Variants in SLC6A11 observed in about 807,000 individuals in gnomAD.
SLC6A11 encodes solute carrier family 6 member 11.
SLC6A11 carries 25 observed loss-of-function variants against 74.8 expected under a neutral mutation model. That is an observed-to-expected ratio of 0.33 (90% CI 0.24 to 0.47). SLC6A11 has a LOEUF of 0.47. Among genes scored for constraint, SLC6A11 ranks in the 20% least tolerant of loss-of-function variants. The pLI, the probability that SLC6A11 is intolerant of heterozygous loss-of-function variation, is 1.00. For missense variants in SLC6A11, 574 were observed against 837.0 expected (o/e 0.69, Z 3.88); for synonymous variants, 330 against 330.2 (o/e 1.00, Z 0.01).
intron 6 of SLC6A11, among the ~76,000 whole-genome samples, chr3:10,890,853 T>A (rs1388429654): frequency 6.6e-6 from 1 of 152,182 alleles, no homozygotes; most frequent in East Asian, 1.9e-4. Context: ...TTCACTTGAG[T>A]GGTAGTTTAG....
rs1332820642 is a variant in SLC6A11, at chr3:10,816,814, G to T, written c.256+293G>T. ...CGAGGCCAGGGAGCCCTTGCTTTGG[G>T]TAGGCGCCCTGGTGTTTCGGGCACT... On this transcript the variant is annotated intron_variant, in intron 1 of 13. Transcript: ENST00000254488. This position sits in a 1 kb window ranked among gnomAD's most constrained non-coding sequence, Gnocchi z 4.2. 6.6e-6 allele frequency among the ~76,000 whole-genome samples: 1 copy of T among 152,270 alleles called. No individual in the cohort carries two copies. The highest frequency in any genetic ancestry group is 1.5e-5 in the Non-Finnish European group (1 of 68,052).
intron 10 of SLC6A11, among the ~76,000 whole-genome samples, chr3:10,931,223 A>T (rs1695681344): frequency 6.6e-6 from 1 of 152,120 alleles, no homozygotes; most frequent in African/African-American, 2.4e-5. Flanking sequence ...CAGTTTCCCC[A>T]TGTGAACAGT....
intron 6 of SLC6A11, among the ~76,000 whole-genome samples, chr3:10,905,894 A>G (rs1695296203): frequency 6.6e-6 from 1 of 152,220 alleles, no homozygotes; most frequent in Non-Finnish European, 1.5e-5. Context: ...TGTGAAAAAT[A>G]GAAGAGGCCA....
Position 10,934,092 on chromosome 3 carries a change from G to A in SLC6A11, c.1501G>A (p.Glu501Lys), listed in dbSNP as rs201024413. The A allele has an allele frequency of 8.7e-6, 14 of 1,613,720 alleles. No homozygotes were observed. The Admixed American group carries it at 2.0e-4, about 23-fold the overall frequency. ...YGSNRFYDNI[E>K]DMIGYRPPSL... is the part of the protein sequence containing the mutation. ...AAGCAACCGGTTCTATGATAACATT[G>A]AAGACATGATTGGCTACCGGCCACC... The change falls in exon 12 of 14, where the codon GAA becomes AAA. Residue 501 changes from glutamate to lysine, a missense_variant. Glu to Lys is a moderately conservative substitution (Grantham distance 56). Coordinates refer to ENST00000254488, the MANE Select transcript of SLC6A11 (RefSeq NM_014229.3).
chr3:10,938,269 C>A lies in SLC6A11; in HGVS notation c.1766C>A (p.Thr589Asn), dbSNP rs773867406. ...TLPEKLQKLT[T>N]PSTDLKMRGK... is the part of the protein sequence containing the mutation. ...ATCCAGAAACTCCAGAAGTTGACGA[C>A]CCCCAGCACAGATCTGAAAATGCGG... is the stretch of plus-strand genomic sequence containing the variant. Residue 589 changes from threonine to asparagine, a missense_variant, in exon 14 of 14, where the codon ACC becomes AAC. This residue lies in a region of SLC6A11 where 257 missense variants were observed against 341.5 expected (regional missense o/e 0.75). Coordinates refer to ENST00000254488, the MANE Select transcript of SLC6A11 (RefSeq NM_014229.3). 6 of 1,606,332 alleles carry A rather than the reference C, an allele frequency of 3.7e-6. No homozygotes were observed. The Admixed American group carries it at 5.1e-5, about 14-fold the overall frequency.
At chr3:10,937,836 A>G (rs1480114698) in intron 13 of SLC6A11, among the ~76,000 whole-genome samples, 1 of 152,162 alleles carries the variant, frequency 6.6e-6, no homozygotes, top group Non-Finnish European at 1.5e-5. Context: ...GTATCCAGCA[A>G]TTGTCCTGTA....
intron 5 of SLC6A11, among the ~76,000 whole-genome samples, chr3:10,852,139 CT>C (rs555383592): frequency 9.8e-5 from 15 of 152,364 alleles, no homozygotes; most frequent in Non-Finnish European, 1.6e-4. Flanking sequence ...CTCAAGTGGC[CT>C]TTGTTGCAGT....
intron 5 of SLC6A11, among the ~76,000 whole-genome samples, chr3:10,847,253 G>C (rs1694516004): frequency 6.6e-6 from 1 of 152,160 alleles, no homozygotes; most frequent in South Asian, 2.1e-4. Flanking sequence ...ATAGGCTACT[G>C]TCATACCTGT....
intron 3 of SLC6A11, among the ~76,000 whole-genome samples, chr3:10,821,583 GC>G (rs1160645854): frequency 1.3e-5 from 2 of 152,156 alleles, no homozygotes; most frequent in Non-Finnish European, 2.9e-5. Context: ...TGTTGGGAAA[GC>G]AATATAATTT....
rs750279194 is a variant in SLC6A11 at position 10,926,341 on chromosome 3, C to T, written c.1233+225C>T. Reference sequence around the variant, plus strand: ...TACACTTACCCACAAATGTCTGTTCCGGCCCCTCTAAGCCTTCCCAAACAC... The same window carrying T: ...TACACTTACCCACAAATGTCTGTTCTGGCCCCTCTAAGCCTTCCCAAACAC... On this transcript the variant is annotated intron_variant, in intron 9 of 13. Transcript: ENST00000254488. The surrounding 1 kb of genome is among the most constrained non-coding windows in gnomAD (Gnocchi z 5.7). 6.6e-6 allele frequency among the ~76,000 whole-genome samples: 1 copy of T among 152,140 alleles called. No individual in the cohort carries two copies. The highest frequency in any genetic ancestry group is 1.5e-5 in the Non-Finnish European group (1 of 68,020).
Position 10,926,044 on chromosome 3 carries a change from C to T in SLC6A11, c.1161C>T (p.Thr387=), listed in dbSNP as rs1231681263. 6.2e-7 allele frequency: 1 copy of T among 1,613,574 alleles called. No homozygotes were observed. Among genetic ancestry groups the T allele is most frequent in the Non-Finnish European group, 8.5e-7 (1 of 1,179,708 alleles). The part of the protein sequence containing the change: ...LAFIAYPKAV[T]MMPLSPLWAT... ...TTATTGCGTACCCCAAGGCGGTCAC[C>T]ATGATGCCTCTCTCCCCGCTGTGGG... The change falls in exon 9 of 14, where the codon ACC becomes ACT. Residue 387 remains threonine, a synonymous_variant. Coordinates refer to ENST00000254488, the MANE Select transcript of SLC6A11 (RefSeq NM_014229.3). This position sits in a 1 kb window ranked among gnomAD's most constrained non-coding sequence, Gnocchi z 5.7.
intron 6 of SLC6A11, among the ~76,000 whole-genome samples, chr3:10,886,365 C>A (rs188314288): frequency 2.0e-5 from 3 of 152,210 alleles, no homozygotes; most frequent in African/African-American, 7.2e-5. Context: ...CTGTCCCATA[C>A]AGCCTTGGGC....
chr3:10,896,159 C>T lies in SLC6A11; in HGVS notation c.892-15931C>T, dbSNP rs1695168864. 2.6e-5 allele frequency among the ~76,000 whole-genome samples: 4 copies of T among 152,234 alleles called. No individual in the cohort carries two copies. The South Asian group carries it at 6.2e-4, about 24-fold the overall frequency. ...GGACAGAATGAGTGGGCCTGGCCTC[C>T]TGCCCTTTGTAGAACATCCACACCA... On this transcript the variant is annotated intron_variant, in intron 6 of 13. Coordinates refer to ENST00000254488, the MANE Select transcript of SLC6A11 (RefSeq NM_014229.3).
intron 5 of SLC6A11, among the ~76,000 whole-genome samples, chr3:10,850,994 T>C (rs1694567846): frequency 6.6e-6 from 1 of 152,212 alleles, no homozygotes; most frequent in African/African-American, 2.4e-5. Flanking sequence ...GAGACCTTGC[T>C]GTCCTTTGCC....
At position 10,926,059 on chromosome 3, in the gene SLC6A11, C is replaced by G; in HGVS notation, c.1176C>G (p.Ser392=). Reference sequence around the variant, plus strand: ...AGGCGGTCACCATGATGCCTCTCTCCCCGCTGTGGGCCACCTTGTTCTTCA... The same window carrying G: ...AGGCGGTCACCATGATGCCTCTCTCGCCGCTGTGGGCCACCTTGTTCTTCA... ...YPKAVTMMPL[S]PLWATLFFMM... Residue 392 remains serine, a synonymous_variant, in exon 9 of 14, where the codon TCC becomes TCG. Transcript: ENST00000254488. This position sits in a 1 kb window ranked among gnomAD's most constrained non-coding sequence, Gnocchi z 5.7. 23 of 1,613,780 alleles carry G rather than the reference C, an allele frequency of 1.4e-5. No homozygotes were observed. Among genetic ancestry groups the G allele is most frequent in the Non-Finnish European group, 1.9e-5 (23 of 1,179,726 alleles).
intron 8 of SLC6A11, among the ~76,000 whole-genome samples, chr3:10,923,297 G>A (rs775368559): frequency 5.6e-4 from 84 of 150,148 alleles, no homozygotes; most frequent in Admixed American, 1.6e-3. Flanking sequence ...GTTGATTTCC[G>A]GGCTAGGGCA....
intron 13 of SLC6A11, among the ~76,000 whole-genome samples, chr3:10,937,234 C>CG (rs1051954222): frequency 6.6e-6 from 1 of 152,118 alleles, no homozygotes; most frequent in Non-Finnish European, 1.5e-5. Flanking sequence ...AACTGAGGCA[C>CG]GGGGGGTTAA....
intron 4 of SLC6A11, among the ~76,000 whole-genome samples, chr3:10,836,476 C>T (rs184314115): frequency 1.3e-5 from 2 of 152,270 alleles, no homozygotes; most frequent in East Asian, 1.9e-4. Flanking sequence ...CAGTAATATA[C>T]GAGGGTTCCA....
chr3:10,878,771 G>T (rs557261882), intron 6 of SLC6A11, among the ~76,000 whole-genome samples: 2 of 151,988 alleles, frequency 1.3e-5, no homozygotes, highest in South Asian at 2.1e-4. Flanking sequence ...TTTTCTGATT[G>T]CCCACCATGC....
Sources: allele counts gnomAD v4.1 joint callset (sites outside exome capture counted in the v4.1 genomes callset), GRCh38; gene constraint gnomAD v4.1.1; regional missense constraint gnomAD v4.1.1; non-coding constraint Gnocchi (gnomAD v3.1); transcripts MANE v1.5; gene names NCBI Gene and HGNC (gene_info 2026-07-23, HGNC 2026-07-21).